Variants in ARB2A observed in about 807,000 individuals in gnomAD.
The protein encoded by ARB2A is cotranscriptional regulator ARB2A.
At chr5:94,015,935 A>T in the ARB2A span, among the ~76,000 whole-genome samples, 1 of 152,198 alleles carries the variant, frequency 6.6e-6, no homozygotes. Flanking sequence ...GGCAGTAGTA[A>T]GTGAATAATA....
chr5:93,777,852 G>A, the ARB2A span, among the ~76,000 whole-genome samples: 128 of 152,276 alleles, frequency 8.4e-4, no homozygotes, highest in Middle Eastern at 6.8e-3. Context: ...AATAAAGGCC[G>A]AGGAATGGCT....
the ARB2A span, among the ~76,000 whole-genome samples, chr5:94,006,737 T>G: frequency 2.0e-5 from 3 of 152,210 alleles, no homozygotes; most frequent in Non-Finnish European, 4.4e-5. Context: ...TAATGTGAGC[T>G]AATAGAGGAG....
the ARB2A span, among the ~76,000 whole-genome samples, chr5:93,635,944 A>C: frequency 1.3e-5 from 2 of 152,190 alleles, no homozygotes; most frequent in African/African-American, 2.4e-5. Context: ...TTAACCATAA[A>C]ATTTATGCTT....
the ARB2A span, among the ~76,000 whole-genome samples, chr5:93,686,696 A>C: frequency 6.6e-6 from 1 of 152,216 alleles, no homozygotes; most frequent in South Asian, 2.1e-4. Context: ...GAAACACTCC[A>C]AGGTTGGATA....
At chr5:93,708,728 C>G in the ARB2A span, among the ~76,000 whole-genome samples, 9 of 152,194 alleles carry the variant, frequency 5.9e-5, 1 homozygote, top group Admixed American at 2.6e-4. Context: ...GTTGGGGAAC[C>G]TCGCTCTGCA....
At chr5:93,772,993 C>T in the ARB2A span, among the ~76,000 whole-genome samples, 4 of 152,216 alleles carry the variant, frequency 2.6e-5, no homozygotes, top group Non-Finnish European at 2.9e-5. Context: ...CCTTGTGTGG[C>T]TGGACAATAT....
the ARB2A span, among the ~76,000 whole-genome samples, chr5:93,961,862 T>C: frequency 6.6e-6 from 1 of 151,864 alleles, no homozygotes; most frequent in African/African-American, 2.4e-5. Context: ...ACAATGAAAA[T>C]GAAAAATGTA....
chr5:93,797,001 T>C, the ARB2A span, among the ~76,000 whole-genome samples: 6 of 152,140 alleles, frequency 3.9e-5, no homozygotes, highest in Non-Finnish European at 7.4e-5. Flanking sequence ...AGAACATGTA[T>C]ATACACTACA....
the ARB2A span, among the ~76,000 whole-genome samples, chr5:93,882,962 C>A: frequency 1.7e-4 from 26 of 151,488 alleles, no homozygotes; most frequent in South Asian, 5.4e-3. Context: ...GCCAAACCAA[C>A]CATAAGATGA....
chr5:94,046,992 T>A, the ARB2A span, among the ~76,000 whole-genome samples: 1 of 152,056 alleles, frequency 6.6e-6, no homozygotes, highest in East Asian at 1.9e-4. Flanking sequence ...AAAACAAGTA[T>A]TCCAAACATG....
the ARB2A span, among the ~76,000 whole-genome samples, chr5:93,808,001 T>C: frequency 1.3e-5 from 2 of 151,974 alleles, no homozygotes; most frequent in African/African-American, 4.8e-5. Flanking sequence ...TCAGGCTGCC[T>C]TGGACAGGCC....
the ARB2A span, among the ~76,000 whole-genome samples, chr5:94,063,743 T>G: frequency 6.6e-6 from 1 of 152,010 alleles, no homozygotes; most frequent in African/African-American, 2.4e-5. Flanking sequence ...ACACCACTAA[T>G]GAGGTTTACA....
chr5:93,870,218 A>G, the ARB2A span, among the ~76,000 whole-genome samples: 1 of 152,176 alleles, frequency 6.6e-6, no homozygotes, highest in Non-Finnish European at 1.5e-5. Flanking sequence ...CACCAAAGGG[A>G]GGAGGGAGGA....
the ARB2A span, among the ~76,000 whole-genome samples, chr5:93,624,872 T>C: frequency 6.6e-6 from 1 of 152,220 alleles, no homozygotes; most frequent in African/African-American, 2.4e-5. Context: ...AATTTAAATA[T>C]GTTTTACAGA....
chr5:93,696,258 C>G, the ARB2A span, among the ~76,000 whole-genome samples: 39 of 152,286 alleles, frequency 2.6e-4, no homozygotes, highest in African/African-American at 9.1e-4. Context: ...TATTTTCTTC[C>G]TTCTCCATTC....
the ARB2A span, among the ~76,000 whole-genome samples, chr5:94,043,533 A>G: frequency 2.0e-5 from 3 of 152,358 alleles, no homozygotes; most frequent in Middle Eastern, 3.4e-3. Flanking sequence ...TATTTTACCA[A>G]GTCTTTGACT....
the ARB2A span, among the ~76,000 whole-genome samples, chr5:93,661,073 C>G: frequency 6.6e-6 from 1 of 152,128 alleles, no homozygotes; most frequent in East Asian, 1.9e-4. Context: ...ATGAGCCAAG[C>G]ACTAGGTCAG....
the ARB2A span, among the ~76,000 whole-genome samples, chr5:93,711,814 G>A: frequency 6.6e-6 from 1 of 152,232 alleles, no homozygotes; most frequent in Non-Finnish European, 1.5e-5. Flanking sequence ...TACAGTAGAA[G>A]GACAGAAACC....
chr5:93,778,663 C>T, the ARB2A span, among the ~76,000 whole-genome samples: 17 of 152,124 alleles, frequency 1.1e-4, no homozygotes, highest in South Asian at 3.1e-3. Context: ...CCAACTAGTA[C>T]CTCCAAATCT....
Sources: gnomAD v4.1 joint callset for allele counts (sites outside exome capture counted in the v4.1 genomes callset) on GRCh38, gnomAD v4.1.1 for gene constraint, MANE v1.5 for transcripts, NCBI Gene and HGNC (gene_info 2026-07-23, HGNC 2026-07-21) for gene names.